The following UBE2E2 variants were observed in gnomAD, a reference collection of about 807,000 sequenced individuals.
UBE2E2 encodes the protein ubiquitin conjugating enzyme E2 E2.
UBE2E2 carries 6 observed loss-of-function variants against 24.7 expected under a neutral mutation model. The ratio of observed to expected loss-of-function variants is 0.24; its 90% CI spans 0.13 to 0.48. The LOEUF (loss-of-function observed/expected upper bound fraction) is 0.48, where lower values mean the gene tolerates loss of function less well. UBE2E2 is among the 20% of genes least tolerant of loss of function. The probability of loss-of-function intolerance (pLI) is 0.99; values close to 1 mark genes in which losing one functional copy is unlikely to be tolerated. For missense variants in UBE2E2, 169 were observed against 245.0 expected, an observed-to-expected ratio of 0.69 and a Z score of 2.07; for synonymous variants, 104 against 83.6, an observed-to-expected ratio of 1.24 and a Z score of -1.33.
chr3:23,358,626 A>T (rs1456109203), intron 3 of UBE2E2, among the ~76,000 whole-genome samples: 1 of 152,254 alleles, frequency 6.6e-6, no homozygotes, highest in East Asian at 1.9e-4. Flanking sequence ...ATAAATTACA[A>T]ATAATTTATT....
intron 3 of UBE2E2, among the ~76,000 whole-genome samples, chr3:23,274,664 G>C (rs1698337155): frequency 6.6e-6 from 1 of 152,046 alleles, no homozygotes; most frequent in Non-Finnish European, 1.5e-5. Context: ...ATCGCGCCCA[G>C]CCTAAGAAAC....
intron 3 of UBE2E2, among the ~76,000 whole-genome samples, chr3:23,354,410 C>G (rs1279520012): frequency 6.6e-6 from 1 of 152,142 alleles, no homozygotes; most frequent in African/African-American, 2.4e-5. Flanking sequence ...AGAGCTTCTG[C>G]ACAGCAAAAG....
intron 5 of UBE2E2, among the ~76,000 whole-genome samples, chr3:23,540,550 G>A (rs146189678): frequency 1.5e-3 from 224 of 152,030 alleles, no homozygotes; most frequent in Middle Eastern, 3.4e-3. Context: ...GATTACAGGC[G>A]CGCACCACCA....
At chr3:23,384,951 A>G (rs1315535206) in intron 3 of UBE2E2, among the ~76,000 whole-genome samples, 1 of 151,078 alleles carries the variant, frequency 6.6e-6, no homozygotes, top group Non-Finnish European at 1.5e-5. Flanking sequence ...TTTCTTTTTG[A>G]GATAGAGTCT....
intron 4 of UBE2E2, among the ~76,000 whole-genome samples, chr3:23,526,968 A>G (rs988901192): frequency 7.2e-5 from 11 of 152,250 alleles, no homozygotes; most frequent in Non-Finnish European, 1.2e-4. Flanking sequence ...AAAACACCAT[A>G]AAGTCAACAA....
At chr3:23,381,047 T>G (rs1696657163) in intron 3 of UBE2E2, among the ~76,000 whole-genome samples, 1 of 152,344 alleles carries the variant, frequency 6.6e-6, no homozygotes, top group African/African-American at 2.4e-5. Flanking sequence ...GAATAGAATC[T>G]TCATGCCTCC....
chr3:23,475,890 A>T (rs1699123543), intron 3 of UBE2E2, among the ~76,000 whole-genome samples: 1 of 152,094 alleles, frequency 6.6e-6, no homozygotes, highest in Admixed American at 6.5e-5. Flanking sequence ...TAAAAGCAGG[A>T]TTTACAGTGA....
chr3:23,347,845 A>AAAAAG (rs199807650), intron 3 of UBE2E2, among the ~76,000 whole-genome samples: 4 of 152,276 alleles, frequency 2.6e-5, no homozygotes, highest in Admixed American at 1.3e-4. Flanking sequence ...GCCATCCTTA[A>AAAAAG]AAAAGAAAAG....
At chr3:23,549,812 C>T (rs1695603679) in intron 5 of UBE2E2, among the ~76,000 whole-genome samples, 1 of 152,076 alleles carries the variant, frequency 6.6e-6, no homozygotes, top group Admixed American at 6.6e-5. Flanking sequence ...GTGGGTGGAT[C>T]ACCTGAGGTC....
At chr3:23,434,077 G>C (rs1698129038) in intron 3 of UBE2E2, among the ~76,000 whole-genome samples, 1 of 152,066 alleles carries the variant, frequency 6.6e-6, no homozygotes, top group East Asian at 1.9e-4. Flanking sequence ...AGGTTGTGCA[G>C]AATACTGCTG....
chr3:23,448,770 G>A (rs1698490061), intron 3 of UBE2E2, among the ~76,000 whole-genome samples: 1 of 152,120 alleles, frequency 6.6e-6, no homozygotes. Context: ...GCTGACCTCT[G>A]AATTGCTCTT....
At chr3:23,471,425 A>G (rs1193017441) in intron 3 of UBE2E2, among the ~76,000 whole-genome samples, 1 of 152,208 alleles carries the variant, frequency 6.6e-6, no homozygotes, top group Non-Finnish European at 1.5e-5. Flanking sequence ...TCAGTGTGGG[A>G]TCAGTAAATG....
chr3:23,427,473 G>T (rs915973842), intron 3 of UBE2E2, among the ~76,000 whole-genome samples: 3 of 151,928 alleles, frequency 2.0e-5, no homozygotes, highest in African/African-American at 7.3e-5. Flanking sequence ...ACCACAAAAG[G>T]CAGAAAAGGA....
At chr3:23,504,665 T>C (rs1322030773) in intron 4 of UBE2E2, among the ~76,000 whole-genome samples, 3 of 152,198 alleles carry the variant, frequency 2.0e-5, no homozygotes, top group Non-Finnish European at 4.4e-5. Flanking sequence ...TTAATTTACA[T>C]TTATTTGACT....
At chr3:23,362,085 G>C (rs1252742363) in intron 3 of UBE2E2, among the ~76,000 whole-genome samples, 1 of 152,160 alleles carries the variant, frequency 6.6e-6, no homozygotes, top group African/African-American at 2.4e-5. Flanking sequence ...TGAACTAGTA[G>C]CACCTAATGT....
At chr3:23,272,036 C>G (rs987649492) in intron 3 of UBE2E2, among the ~76,000 whole-genome samples, 2 of 152,232 alleles carry the variant, frequency 1.3e-5, no homozygotes, top group Non-Finnish European at 2.9e-5. Context: ...CTGCACTTCT[C>G]AGCCCTTGGG....
chr3:23,529,992 A>G (rs930474492), intron 4 of UBE2E2, among the ~76,000 whole-genome samples: 1 of 152,144 alleles, frequency 6.6e-6, no homozygotes, highest in Non-Finnish European at 1.5e-5. Context: ...GCAACCCAAT[A>G]TTTTCATTGT....
intron 3 of UBE2E2, among the ~76,000 whole-genome samples, chr3:23,338,993 T>C (rs1399179700): frequency 2.6e-5 from 4 of 152,160 alleles, no homozygotes; most frequent in Non-Finnish European, 5.9e-5. Flanking sequence ...AGATATTTAC[T>C]ATAATTATAA....
At chr3:23,252,555 A>T (rs1255628666) in intron 3 of UBE2E2, among the ~76,000 whole-genome samples, 1 of 152,174 alleles carries the variant, frequency 6.6e-6, no homozygotes, top group African/African-American at 2.4e-5. Flanking sequence ...GGAGTGCAGT[A>T]GCACGATCTC....
Sources: allele counts gnomAD v4.1 joint callset (sites outside exome capture counted in the v4.1 genomes callset), GRCh38; gene constraint gnomAD v4.1.1; transcripts MANE v1.5; gene names NCBI Gene and HGNC (gene_info 2026-07-23, HGNC 2026-07-21).